COL5A1: variants seen among roughly 807,000 people sequenced by gnomAD.
The protein encoded by COL5A1 is collagen alpha-1(V) chain.
In COL5A1, 16 loss-of-function variants were observed where a neutral mutation model predicts 263.7. The ratio of observed to expected loss-of-function variants is 0.06; its 90% CI spans 0.04 to 0.09. The LOEUF (loss-of-function observed/expected upper bound fraction) is 0.09, where lower values mean the gene tolerates loss of function less well. COL5A1 is among the 10% of genes least tolerant of loss of function. The probability of loss-of-function intolerance (pLI) is 1.00; values close to 1 mark genes in which losing one functional copy is unlikely to be tolerated. For missense variants in COL5A1, 2,036 were observed against 2,540.5 expected (o/e 0.80, Z 4.27); for synonymous variants, 1,012 against 1,004.5 (o/e 1.01, Z -0.14).
intron 64 of COL5A1, among the ~76,000 whole-genome samples, chr9:134,834,042 G>C (rs530098728): frequency 6.6e-6 from 1 of 152,174 alleles, no homozygotes; most frequent in Admixed American, 6.5e-5. Flanking sequence ...AGTGTCCCAG[G>C]CCGAGGGAGG....
chr9:134,650,967 G>A (rs1464103060), intron 1 of COL5A1, among the ~76,000 whole-genome samples: 3 of 152,232 alleles, frequency 2.0e-5, no homozygotes, highest in Admixed American at 1.3e-4. Context: ...CTGCATGTTG[G>A]TGCAGGTCCG....
In COL5A1 at chr9:134,822,834, C is replaced by T. The variant is rs147403626; in HGVS notation, c.4609-164C>T. 708 of 837,200 alleles carry T rather than the reference C, an allele frequency of 8.5e-4. 5 individuals carry two copies. The East Asian group carries it at 0.011, about 13-fold the overall frequency. 51.9% of individuals were successfully genotyped at this position (837,200 alleles called of 1,614,324 possible). A position where few individuals can be genotyped will look rare whatever the true frequency, so the allele number is the denominator to read the frequency against. ...CGAGGGGTGAGCACCAGCCAGGCCC[C>T]GACCCTCCTCCCACTCTAGCCGGGC... is the stretch of plus-strand genomic sequence containing the variant. On this transcript the variant is annotated intron_variant, in intron 59 of 65. Transcript: ENST00000371817.
chr9:134,819,177 G>T (rs1210966230), intron 57 of COL5A1, 124 bp downstream of exon 57: 1 of 1,076,154 alleles, frequency 9.3e-7, no homozygotes, highest in East Asian at 2.5e-5. Context: ...CTGCAGGCTG[G>T]TGGTGGGGAA....
chr9:134,830,430 T>G, intron 64 of COL5A1: 1 of 571,348 alleles, frequency 1.8e-6, no homozygotes, highest in Admixed American at 3.0e-5. Context: ...GAGCTGGGTG[T>G]GGGCCCCAGC....
At chr9:134,776,369 G>A (rs1473287879) in intron 27 of COL5A1, among the ~76,000 whole-genome samples, 1 of 152,144 alleles carries the variant, frequency 6.6e-6, no homozygotes, top group East Asian at 1.9e-4. Context: ...GAGCTAAAAA[G>A]GTGTTTGCTT....
In COL5A1 at chr9:134,804,394, G is replaced by A. The variant is rs545661207; in HGVS notation, c.3115-581G>A. Among the ~76,000 whole-genome samples, 124 of 152,264 alleles carry A rather than the reference G, an allele frequency of 8.1e-4. 1 individual carries two copies. Among genetic ancestry groups the A allele is most frequent in the Middle Eastern group, 6.8e-3 (2 of 294 alleles). The stretch of plus-strand genomic sequence containing the variant: ...ACTTTTTTTCAGAAAATGTGGTTTC[G>A]GGCTTGAAGAAGTTCCTTAAGTGAT... On this transcript the variant is annotated intron_variant, in intron 39 of 65. Coordinates refer to ENST00000371817, the MANE Select transcript of COL5A1 (RefSeq NM_000093.5).
intron 27 of COL5A1, 152 bp downstream of exon 27, chr9:134,775,064 G>T (rs1000406357): frequency 3.9e-6 from 3 of 772,306 alleles, no homozygotes; most frequent in Non-Finnish European, 6.6e-6. Flanking sequence ...TTGTGTGGAC[G>T]CTAGGTCTCA....
At chr9:134,792,883 G>A (rs1207710013) in intron 32 of COL5A1, among the ~76,000 whole-genome samples, 1 of 48,032 alleles carries the variant, frequency 2.1e-5, no homozygotes, top group Admixed American at 2.5e-4. Flanking sequence ...TTGTGCACAC[G>A]TGTGTGTGCG....
At chr9:134,733,744 A>G (rs935166595) in intron 9 of COL5A1, among the ~76,000 whole-genome samples, 4 of 152,210 alleles carry the variant, frequency 2.6e-5, no homozygotes, top group South Asian at 2.1e-4. Flanking sequence ...GCTCTGCCCA[A>G]GGGTGTTTGC....
Position 134,821,975 on chromosome 9 carries a change from C to G in COL5A1, c.4555-122C>G, listed in dbSNP as rs965231077. 6.9e-5 allele frequency: 60 copies of G among 872,648 alleles called. No homozygotes were observed. The Admixed American group carries it at 1.0e-3, about 15-fold the overall frequency. 54.1% of individuals were successfully genotyped at this position (872,648 alleles called of 1,614,324 possible). A position where few individuals can be genotyped will look rare whatever the true frequency, so the allele number is the denominator to read the frequency against. On this transcript the variant is annotated intron_variant, in intron 58 of 65. Transcript: ENST00000371817. This position sits in a 1 kb window ranked among gnomAD's most constrained non-coding sequence, Gnocchi z 4.2. ...GCAGCCACAGGAGGCTGCTGAGGGG[C>G]CAAAGGGCATACCGTGGGGAAGGGA...
At chr9:134,654,084 C>G (rs1254942313) in intron 1 of COL5A1, among the ~76,000 whole-genome samples, 2 of 64,820 alleles carry the variant, frequency 3.1e-5, no homozygotes, top group African/African-American at 1.3e-4. Flanking sequence ...GTGTGTAGGG[C>G]TGGGGGTGTG....
chr9:134,712,106 C>T (rs1834071883), intron 4 of COL5A1, among the ~76,000 whole-genome samples: 1 of 119,622 alleles, frequency 8.4e-6, no homozygotes, highest in Non-Finnish European at 1.8e-5. Flanking sequence ...TCCTATCCCC[C>T]TTCCTTCCTT....
intron 9 of COL5A1, among the ~76,000 whole-genome samples, chr9:134,734,307 A>C (rs1192524813): frequency 1.3e-5 from 2 of 149,390 alleles, no homozygotes; most frequent in African/African-American, 2.5e-5. Flanking sequence ...TGGAAAGTCC[A>C]GTTCACCTTT....
rs374098883 is a variant in COL5A1, at chr9:134,708,425, G to GC, written c.654+7092_654+7093insC. On this transcript the variant is annotated intron_variant, in intron 4 of 65. Transcript: ENST00000371817. Reference sequence around the variant, plus strand: ...TGCGGCTCAGAGCAACTCCCGGGGTGGGGGCTCTGGTGCACCTGCACTGAC... The same window carrying GC: ...TGCGGCTCAGAGCAACTCCCGGGGTGCGGGGCTCTGGTGCACCTGCACTGAC... 619 of 408,836 alleles carry GC rather than the reference G, an allele frequency of 1.5e-3. 6 individuals are homozygous for GC. The highest frequency in any genetic ancestry group is 0.012 in the African/African-American group (596 of 48,060). 25.3% of individuals were successfully genotyped at this position (408,836 alleles called of 1,614,324 possible). A position where few individuals can be genotyped will look rare whatever the true frequency, so the allele number is the denominator to read the frequency against.
intron 29 of COL5A1, among the ~76,000 whole-genome samples, chr9:134,783,582 C>T (rs997002947): frequency 2.6e-5 from 4 of 152,148 alleles, no homozygotes; most frequent in Non-Finnish European, 2.9e-5. Flanking sequence ...GTGCACGCAC[C>T]GGGACGGACA....
chr9:134,759,257 C>T lies in COL5A1; in HGVS notation c.1935+961C>T, dbSNP rs199890377. Among the ~76,000 whole-genome samples, 42 of 118,684 alleles carry T rather than the reference C, an allele frequency of 3.5e-4. No homozygotes were observed. The Middle Eastern group carries it at 0.012, about 34-fold the overall frequency. 77.9% of individuals were successfully genotyped at this position (118,684 alleles called of 152,430 possible). A position where few individuals can be genotyped will look rare whatever the true frequency, so the allele number is the denominator to read the frequency against. ...ACACCACATACACCACACATGTGTG[C>T]GCGCACACACTCATACACACATGCA... On this transcript the variant is annotated intron_variant, in intron 18 of 65. Coordinates refer to ENST00000371817, the MANE Select transcript of COL5A1 (RefSeq NM_000093.5).
In COL5A1 at chr9:134,743,229, G is replaced by T. The variant is rs1835358980; in HGVS notation, c.1494+4421G>T. ...CTGAATACCGTCCAGTGTTACTGTG[G>T]ATTTGATTGCATTTTTCAGGATGCT... is the stretch of plus-strand genomic sequence containing the variant. On this transcript the variant is annotated intron_variant, in intron 11 of 65. Transcript: ENST00000371817. 2.0e-5 allele frequency among the ~76,000 whole-genome samples: 3 copies of T among 152,160 alleles called. 1 individual carries two copies. In the South Asian group the frequency reaches 6.2e-4, roughly 32 times the overall value.
At chr9:134,724,819 G>C (rs1476431232) in intron 4 of COL5A1, among the ~76,000 whole-genome samples, 1 of 152,150 alleles carries the variant, frequency 6.6e-6, no homozygotes, top group East Asian at 1.9e-4. Flanking sequence ...CTCGGCGGGG[G>C]AGGTGGTGCC....
chr9:134,800,781 G>A (rs1838087112), intron 37 of COL5A1, among the ~76,000 whole-genome samples: 1 of 132,338 alleles, frequency 7.6e-6, no homozygotes, highest in Non-Finnish European at 1.6e-5. Context: ...AAAGAAGCTA[G>A]TCTGCTGTGG....
Sources: gnomAD v4.1 joint callset for allele counts (sites outside exome capture counted in the v4.1 genomes callset) on GRCh38, gnomAD v4.1.1 for gene constraint, Gnocchi (gnomAD v3.1) non-coding constraint, MANE v1.5 for transcripts, NCBI Gene and HGNC (gene_info 2026-07-23, HGNC 2026-07-21) for gene names.